LMF1: variants seen among roughly 807,000 people sequenced by gnomAD.
LMF1 encodes transmembrane protein 112.
Under a neutral mutation model 60.6 loss-of-function variants are expected in LMF1, and 68 were observed. That is an observed-to-expected ratio of 1.12 (90% CI 0.92 to 1.37). The LOEUF is 1.37. Among genes scored for constraint, LMF1 ranks in the 40% most tolerant of loss-of-function variants. The pLI is 0.00. For missense variants in LMF1, 948 were observed against 767.2 expected (o/e 1.24, Z -2.78); for synonymous variants, 418 against 324.7 (o/e 1.29, Z -3.09).
At chr16:866,544 C>T (rs2069614935) in intron 10 of LMF1, among the ~76,000 whole-genome samples, 1 of 152,126 alleles carries the variant, frequency 6.6e-6, no homozygotes, top group South Asian at 2.1e-4. Flanking sequence ...ACTGATACCA[C>T]AGAAGCGGGG....
At chr16:928,805 G>A (rs1220975141) in intron 3 of LMF1, among the ~76,000 whole-genome samples, 6 of 152,098 alleles carry the variant, frequency 3.9e-5, no homozygotes, top group Non-Finnish European at 8.8e-5. Flanking sequence ...GCAAGATGGG[G>A]GTAGGATCGC....
intron 3 of LMF1, among the ~76,000 whole-genome samples, chr16:912,380 A>C (rs2071148350): frequency 6.6e-6 from 1 of 152,046 alleles, no homozygotes. Flanking sequence ...TCCTCCAACC[A>C]TTGGTGCAAC....
intron 2 of LMF1, among the ~76,000 whole-genome samples, chr16:937,137 A>G (rs1436377397): frequency 6.6e-6 from 1 of 152,208 alleles, no homozygotes; most frequent in African/African-American, 2.4e-5. Flanking sequence ...CTGTCACTTC[A>G]CCTGCTTTGA....
At chr16:975,813 G>A (rs1262702509), upstream of LMF1, 1 of 454,012 alleles carries the variant, frequency 2.2e-6, no homozygotes, top group Non-Finnish European at 4.4e-6. Flanking sequence ...TGGGTCTCTG[G>A]AACGTTCCAT....
rs1158789624 is a variant in LMF1 at position 953,949 on chromosome 16, ACC to A, written c.503+406_503+407del. Among the ~76,000 whole-genome samples the A allele has an allele frequency of 4.7e-4, 43 of 91,352 alleles. 9 individuals carry two copies. Among genetic ancestry groups the A allele is most frequent in the African/African-American group, 1.6e-3 (41 of 25,262 alleles). The allele number at this position is 91,352 out of a possible 152,430, so 59.9% of individuals were successfully genotyped here. A position where few individuals can be genotyped will look rare whatever the true frequency, so the allele number is the denominator to read the frequency against. ...CAGCTTCCTACACGTCCACACAGAC[ACC>A]CACCCCAAACCAGCCTCCTACATGT... On this transcript the variant is annotated intron_variant, in intron 2 of 10. Coordinates refer to ENST00000262301, the MANE Select transcript of LMF1 (RefSeq NM_022773.4).
chr16:947,640 T>C (rs1237787718), intron 2 of LMF1: 1 of 455,506 alleles, frequency 2.2e-6, no homozygotes, highest in Non-Finnish European at 4.4e-6. Context: ...CTGGAGAGGA[T>C]CTTTCCTTCC....
At chr16:979,154 G>C (rs942341328) in intron 1 of LMF1, 1 of 444,750 alleles carries the variant, frequency 2.2e-6, no homozygotes, top group Non-Finnish European at 4.6e-6. Flanking sequence ...TGACCCTCAA[G>C]CCATCCCGAC....
intron 6 of LMF1, 45 bp downstream of exon 6, chr16:879,525 C>A (rs1329523610): frequency 6.3e-7 from 1 of 1,599,806 alleles, no homozygotes; most frequent in East Asian, 2.2e-5. Context: ...GGCGACGGGC[C>A]AGCGTCTCTG....
intron 9 of LMF1, chr16:869,344 C>T: frequency 3.1e-6 from 2 of 649,554 alleles, no homozygotes; most frequent in Non-Finnish European, 5.7e-6. Flanking sequence ...CCCTGAGGCT[C>T]AGTTTTCTGG....
intron 6 of LMF1, among the ~76,000 whole-genome samples, chr16:875,506 C>T (rs1167460073): frequency 6.6e-6 from 1 of 152,186 alleles, no homozygotes; most frequent in Non-Finnish European, 1.5e-5. Context: ...TCTCCATTTA[C>T]TTAAGTAACT....
chr16:860,502 G>A (rs1192417415), intron 10 of LMF1, among the ~76,000 whole-genome samples: 1 of 152,146 alleles, frequency 6.6e-6, no homozygotes, highest in East Asian at 1.9e-4. Flanking sequence ...ACCAGGCCCT[G>A]CTAATTTTTT....
chr16:949,512 T>TCAGCCAAC (rs2072375473), intron 2 of LMF1, among the ~76,000 whole-genome samples: 1 of 53,676 alleles, frequency 1.9e-5, no homozygotes, highest in African/African-American at 1.3e-4. Flanking sequence ...TTAGAGACAA[T>TCAGCCAAC]GACAGAGTCA....
intron 2 of LMF1, among the ~76,000 whole-genome samples, chr16:942,100 G>A (rs1368686163): frequency 6.6e-6 from 1 of 152,156 alleles, no homozygotes; most frequent in Non-Finnish European, 1.5e-5. Flanking sequence ...TGTGTCTGCT[G>A]GCAAAGCCTT....
At chr16:950,437 A>C (rs1372182650) in intron 2 of LMF1, among the ~76,000 whole-genome samples, 5 of 81,132 alleles carry the variant, frequency 6.2e-5, no homozygotes, top group East Asian at 3.2e-4. Flanking sequence ...AGAGTTAGAG[A>C]CAACGACAGA....
chr16:970,971 C>CAGGGCGCATGTGCGGGG lies in LMF1; in HGVS notation c.9_10insCCCCGCACATGCGCCCT (p.Asp4ProfsTer18). ...GCGGGCGCCGCCATTGTTGGGCTGT[C>CAGGGCGCATGTGCGGGG]AGGGCGCATGTGCGGGGAGGGCGCA... On this transcript the variant is annotated frameshift_variant, in exon 1 of 11. Coordinates refer to ENST00000262301, the MANE Select transcript of LMF1 (RefSeq NM_022773.4). LOFTEE classifies it high-confidence loss of function. The CAGGGCGCATGTGCGGGG allele has an allele frequency of 6.6e-7, 1 of 1,515,184 alleles. No individual in the cohort carries two copies. The highest frequency in any genetic ancestry group is 8.9e-7 in the Non-Finnish European group (1 of 1,126,352). The allele number at this position is 1,515,184 out of a possible 1,614,324, so 93.9% of individuals were successfully genotyped here.
intron 6 of LMF1, among the ~76,000 whole-genome samples, chr16:877,619 G>A (rs542311097): frequency 6.6e-6 from 1 of 152,326 alleles, no homozygotes; most frequent in South Asian, 2.1e-4. Flanking sequence ...ACCCACAAAG[G>A]AGAAGTGAAT....
At chr16:942,935 A>C (rs1283566977) in intron 2 of LMF1, among the ~76,000 whole-genome samples, 4 of 152,230 alleles carry the variant, frequency 2.6e-5, no homozygotes, top group African/African-American at 9.6e-5. Flanking sequence ...TTTAGCTTGG[A>C]TAATTTCTAC....
chr16:947,287 AAC>A (rs1186360441), intron 2 of LMF1: 2 of 358,914 alleles, frequency 5.6e-6, no homozygotes, highest in African/African-American at 2.1e-5. Flanking sequence ...CCCATGCATT[AAC>A]ACAGAGACAG....
At chr16:952,365 G>GCCTGGGCTGTGCCTGCAGA (rs2072496292) in intron 2 of LMF1, among the ~76,000 whole-genome samples, 1 of 151,506 alleles carries the variant, frequency 6.6e-6, no homozygotes, top group African/African-American at 2.4e-5. Flanking sequence ...GAGCCTGCAG[G>GCCTGGGCTGTGCCTGCAGA]GCCTGGGCTG....
Sources: allele counts gnomAD v4.1 joint callset (sites outside exome capture counted in the v4.1 genomes callset), GRCh38; gene constraint gnomAD v4.1.1; transcripts MANE v1.5; gene names NCBI Gene and HGNC (gene_info 2026-07-23, HGNC 2026-07-21).